The following SPINK8 variants were observed in gnomAD, a reference collection of about 807,000 sequenced individuals.
SPINK8 encodes the protein serine peptidase inhibitor Kazal type 8 (putative), also known as serine protease inhibitor Kazal-type 8.
A neutral mutation model predicts 14.4 loss-of-function variants in SPINK8; 12 were observed. The observed-to-expected ratio is 0.83, with a 90% CI of 0.53 to 1.35. The LOEUF (loss-of-function observed/expected upper bound fraction) is 1.35. SPINK8 is among the 40% of genes most tolerant of loss of function. The probability of loss-of-function intolerance (pLI) is 0.00; values close to 1 mark genes in which losing one functional copy is unlikely to be tolerated. For synonymous variants in SPINK8, 32 were observed against 37.6 expected, an observed-to-expected ratio of 0.85 and a Z score of 0.55; for missense variants, 103 against 117.0, an observed-to-expected ratio of 0.88 and a Z score of 0.55.
chr3:48,332,150 C>T (rs1469014379), intron 2 of SPINK8, among the ~76,000 whole-genome samples: 1 of 152,106 alleles, frequency 6.6e-6, no homozygotes, highest in Middle Eastern at 3.2e-3. Flanking sequence ...TTCGATTTGC[C>T]CAGCCTTTCA....
chr3:48,320,337 C>T (rs185849846), intron 5 of SPINK8, among the ~76,000 whole-genome samples: 8 of 152,210 alleles, frequency 5.3e-5, no homozygotes, highest in Admixed American at 2.0e-4. Context: ...ACCATAAGGT[C>T]AGGAGTTTGA....
chr3:48,321,111 C>A lies in SPINK8; in HGVS notation c.68-37G>T, dbSNP rs574820264. The stretch of plus-strand genomic sequence containing the variant: ...AAGCACATACAGAAAAGTTGCTTCT[C>A]TGTCTTCTGCCCTCAGCGAAAAAGG... On this transcript the variant is annotated intron_variant, in intron 4 of 7. Transcript: ENST00000434006. The A allele has an allele frequency of 2.9e-4, 450 of 1,554,530 alleles. 3 individuals carry two copies. The South Asian group carries it at 5.0e-3, about 17-fold the overall frequency.
chr3:48,329,891 G>A (rs922058739), intron 2 of SPINK8, among the ~76,000 whole-genome samples: 1 of 152,196 alleles, frequency 6.6e-6, no homozygotes, highest in African/African-American at 2.4e-5. Flanking sequence ...GTCTTATTTA[G>A]CAGAGCTGAG....
chr3:48,309,246 G>A (rs1334624326), intron 7 of SPINK8, among the ~76,000 whole-genome samples: 3 of 152,028 alleles, frequency 2.0e-5, no homozygotes, highest in African/African-American at 4.8e-5. Context: ...TTGTTGCCAC[G>A]CCTCATAATG....
intron 5 of SPINK8, among the ~76,000 whole-genome samples, chr3:48,320,516 C>A (rs1214011830): frequency 2.0e-5 from 3 of 151,874 alleles, no homozygotes; most frequent in Non-Finnish European, 2.9e-5. Flanking sequence ...CCACTGCACT[C>A]CAGCCTGGGC....
chr3:48,328,962 G>T (rs2036181180), intron 3 of SPINK8, among the ~76,000 whole-genome samples, 191 bp downstream of exon 3: 1 of 152,152 alleles, frequency 6.6e-6, no homozygotes, highest in South Asian at 2.1e-4. Flanking sequence ...TTGCATTATT[G>T]AAATTATTAT....
At chr3:48,331,572 G>A (rs769925553) in intron 2 of SPINK8, among the ~76,000 whole-genome samples, 1 of 152,210 alleles carries the variant, frequency 6.6e-6, no homozygotes, top group Non-Finnish European at 1.5e-5. Flanking sequence ...CGTGGGCATG[G>A]AGGACTAGGT....
At chr3:48,331,927 G>T (rs183715816) in intron 2 of SPINK8, among the ~76,000 whole-genome samples, 4 of 152,322 alleles carry the variant, frequency 2.6e-5, no homozygotes, top group Non-Finnish European at 4.4e-5. Flanking sequence ...TGATGCCAGG[G>T]GCTGGCGCTT....
chr3:48,319,312 T>C (rs2036036690), intron 6 of SPINK8, among the ~76,000 whole-genome samples, 185 bp downstream of exon 6: 1 of 152,084 alleles, frequency 6.6e-6, no homozygotes, highest in Non-Finnish European at 1.5e-5. Flanking sequence ...ATTGTCTGAA[T>C]AGGATCACAT....
chr3:48,318,306 A>G (rs1026138774), intron 6 of SPINK8, among the ~76,000 whole-genome samples: 7 of 151,992 alleles, frequency 4.6e-5, no homozygotes, highest in African/African-American at 1.7e-4. Context: ...ACACCCGGCT[A>G]ATTTTTGTAT....
At chr3:48,309,247 C>T (rs1245206385) in intron 7 of SPINK8, among the ~76,000 whole-genome samples, 1 of 152,186 alleles carries the variant, frequency 6.6e-6, no homozygotes, top group Non-Finnish European at 1.5e-5. Context: ...TGTTGCCACG[C>T]CTCATAATGC....
At chr3:48,308,601 G>A (rs764843640) in intron 7 of SPINK8, among the ~76,000 whole-genome samples, 1 of 152,128 alleles carries the variant, frequency 6.6e-6, no homozygotes, top group Admixed American at 6.5e-5. Flanking sequence ...TTTGGATGCC[G>A]CACAATTCTT....
intron 4 of SPINK8, among the ~76,000 whole-genome samples, chr3:48,322,843 T>G (rs936243693): frequency 6.6e-6 from 1 of 152,214 alleles, no homozygotes; most frequent in African/African-American, 2.4e-5. Flanking sequence ...TAATGGACAT[T>G]TGAGTTGCTT....
At chr3:48,326,707 G>C (rs1349455658) in intron 4 of SPINK8, among the ~76,000 whole-genome samples, 1 of 151,906 alleles carries the variant, frequency 6.6e-6, no homozygotes, top group Admixed American at 6.6e-5. Flanking sequence ...TCAGGTGTTC[G>C]AGACCACCCT....
chr3:48,330,427 G>A (rs1299974362), intron 2 of SPINK8, among the ~76,000 whole-genome samples: 1 of 152,158 alleles, frequency 6.6e-6, no homozygotes, highest in African/African-American at 2.4e-5. Flanking sequence ...GCTGAGGCAT[G>A]AGAATCGCTT....
chr3:48,328,999 A>G (rs1175972183), intron 3 of SPINK8, among the ~76,000 whole-genome samples, 154 bp downstream of exon 3: 1 of 152,230 alleles, frequency 6.6e-6, no homozygotes, highest in African/African-American at 2.4e-5. Flanking sequence ...TATTTTAATT[A>G]CTGGTTTCTA....
At chr3:48,327,783 G>A (rs556085820) in intron 4 of SPINK8, among the ~76,000 whole-genome samples, 32 of 152,254 alleles carry the variant, frequency 2.1e-4, no homozygotes, top group Admixed American at 1.1e-3. Context: ...GTGAGACGCC[G>A]TACCAATGGA....
chr3:48,328,199 C>A, intron 4 of SPINK8, 76 bp downstream of exon 4: 1 of 1,206,860 alleles, frequency 8.3e-7, no homozygotes, highest in Non-Finnish European at 1.2e-6. Flanking sequence ...ACAGCACTTC[C>A]ACTTCCATCT....
At position 48,322,146 on chromosome 3, in the gene SPINK8, AT is replaced by A. The variant is rs200691022; in HGVS notation, c.68-1073del. Reference sequence around the variant, plus strand: ...ACCAATTTTTACCATCATATAGAGGATTTTTTTCTTTTTAAATAATTCACCT... The same window carrying A: ...ACCAATTTTTACCATCATATAGAGGATTTTTTCTTTTTAAATAATTCACCT... On this transcript the variant is annotated intron_variant, in intron 4 of 7. Transcript: ENST00000434006. Among the ~76,000 whole-genome samples the A allele has an allele frequency of 2.9e-3, 433 of 150,952 alleles. 2 individuals are homozygous for A. Among genetic ancestry groups the A allele is most frequent in the Admixed American group, 9.4e-3 (142 of 15,150 alleles).
Sources: gnomAD v4.1 joint callset for allele counts (sites outside exome capture counted in the v4.1 genomes callset) on GRCh38, gnomAD v4.1.1 for gene constraint, MANE v1.5 for transcripts, NCBI Gene and HGNC (gene_info 2026-07-23, HGNC 2026-07-21) for gene names.